The following HCRTR1 variants were observed in gnomAD, a reference collection of about 807,000 sequenced individuals.
HCRTR1 encodes the protein hypocretin receptor 1.
HCRTR1 carries 28 observed loss-of-function variants against 40.6 expected under a neutral mutation model. The observed-to-expected ratio is 0.69, with a 90% confidence interval of 0.51 to 0.95. The LOEUF (loss-of-function observed/expected upper bound fraction) is 0.95. HCRTR1 is among the 40% of genes least tolerant of loss of function. The pLI, the probability that HCRTR1 is intolerant of heterozygous loss-of-function variation, is 0.00. For synonymous variants in HCRTR1, 209 were observed against 230.0 expected, an observed-to-expected ratio of 0.91 and a Z score of 0.83; for missense variants, 482 against 564.7, an observed-to-expected ratio of 0.85 and a Z score of 1.48.
rs1318913475 is a variant in HCRTR1 at position 31,623,609 on chromosome 1, G to C, written c.825G>C (p.Glu275Asp). 1 of 1,613,710 alleles carries C rather than the reference G, an allele frequency of 6.2e-7. No homozygotes were observed. The highest frequency in any genetic ancestry group is 2.2e-5 in the East Asian group (1 of 44,876). ...LGDLEQGLSG[E>D]PQPRARAFLA... ...ACCTGGAGCAGGGCCTGAGTGGAGAGCCCCAGCCCCGGGCCCGCGCCTTCC... is the reference window on the plus strand; with the variant it reads ...ACCTGGAGCAGGGCCTGAGTGGAGACCCCCAGCCCCGGGCCCGCGCCTTCC... The change falls in exon 7 of 9, where the codon GAG (glutamate) becomes GAC (aspartate). Residue 275 changes from glutamate to aspartate, a missense_variant. Glu to Asp is a conservative substitution (Grantham distance 45). Coordinates refer to ENST00000403528, the MANE Select transcript of HCRTR1 (RefSeq NM_001525.3).
rs1213578053 is a variant in HCRTR1 at position 31,626,880 on chromosome 1, C to T, written c.1178C>T (p.Ser393Phe). 6.2e-7 allele frequency: 1 copy of T among 1,614,042 alleles called. No individual in the cohort carries two copies. Among genetic ancestry groups the T allele is most frequent in the Non-Finnish European group, 8.5e-7 (1 of 1,180,034 alleles). The change falls in exon 9 of 9, where the codon TCC becomes TTC. Residue 393 changes from serine (S) to phenylalanine (F), a missense_variant. Physicochemically the swap from Ser to Phe is radical, Grantham distance 155. Coordinates refer to ENST00000403528, the MANE Select transcript of HCRTR1 (RefSeq NM_001525.3). The surrounding 1 kb of genome is among the most constrained non-coding windows in gnomAD (Gnocchi z 4.6). ...TCTCTGAAGGCCCCTAGTCCCCGCT[C>T]CTCTGCCAGCCACAAGTCCTTGTCC... ...CGSLKAPSPR[S>F]SASHKSLSLQ...
chr1:31,630,678 C>G (rs749213335), downstream of HCRTR1: 8 of 1,613,794 alleles, frequency 5.0e-6, no homozygotes, highest in Admixed American at 1.2e-4. Context: ...TTGCCTTGTA[C>G]AGCTGTGTCC....
rs1484658996 is a variant in HCRTR1, at chr1:31,625,845, G to A, written c.1087+727G>A. On this transcript the variant is annotated intron_variant, in intron 8 of 8. Transcript: ENST00000403528. The surrounding 1 kb of genome is among the most constrained non-coding windows in gnomAD (Gnocchi z 4.2). Reference sequence around the variant, plus strand: ...AGAACAGGTCCAGATGACTGTTGAAGCCTGGACAGAAATAATCTTTGAGGA... The same window carrying A: ...AGAACAGGTCCAGATGACTGTTGAAACCTGGACAGAAATAATCTTTGAGGA... 6.6e-6 allele frequency among the ~76,000 whole-genome samples: 1 copy of A among 152,210 alleles called. No individual in the cohort carries two copies. The highest frequency in any genetic ancestry group is 1.9e-4 in the East Asian group (1 of 5,202).
At chr1:31,619,019 T>C (rs1639789679) in intron 2 of HCRTR1, 32 bp from the exon 3 acceptor site, 1 of 601,312 alleles carries the variant, frequency 1.7e-6, no homozygotes, top group Admixed American at 3.0e-5. Context: ...CTTCTCTCTT[T>C]TCCCACTCCC....
chr1:31,621,927 A>C lies in HCRTR1; in HGVS notation c.738+335A>C, dbSNP rs555165177. Reference sequence around the variant, plus strand: ...AGAAGATCAACATAACTTCCCCCAAACCACTCAGCTAGTGAGTAGATCAGG... The same window carrying C: ...AGAAGATCAACATAACTTCCCCCAACCCACTCAGCTAGTGAGTAGATCAGG... On this transcript the variant is annotated intron_variant, in intron 6 of 8. Coordinates refer to ENST00000403528, the MANE Select transcript of HCRTR1 (RefSeq NM_001525.3). 5.3e-5 allele frequency among the ~76,000 whole-genome samples: 8 copies of C among 152,258 alleles called. 1 individual carries two copies. The highest frequency in any genetic ancestry group is 3.4e-3 in the Middle Eastern group (1 of 294).
Position 31,620,834 on chromosome 1 carries a change from G to T in HCRTR1, c.379-9G>T. On this transcript the variant is annotated splice_polypyrimidine_tract_variant and intron_variant, in intron 4 of 8. Coordinates refer to ENST00000403528, the MANE Select transcript of HCRTR1 (RefSeq NM_001525.3). The stretch of plus-strand genomic sequence containing the variant: ...CCAAAATGACCGACGTTGTGTCCCC[G>T]TGGGGCAGGCTGTGTCCGTGTCAGT... 6.2e-7 allele frequency: 1 copy of T among 1,611,640 alleles called. No homozygotes were observed. The highest frequency in any genetic ancestry group is 2.2e-5 in the East Asian group (1 of 44,842).
At position 31,624,991 on chromosome 1, in the gene HCRTR1, G is replaced by T; in HGVS notation, c.966-6G>T. 6.2e-7 allele frequency: 1 copy of T among 1,602,606 alleles called. No individual in the cohort carries two copies. ...CATTTCTGACGCTCCTCCACCCTGG[G>T]CCTAGGGTGTTCGGGATGTTCCGCC... On this transcript the variant is annotated splice_polypyrimidine_tract_variant and splice_region_variant and intron_variant, in intron 7 of 8. Coordinates refer to ENST00000403528, the MANE Select transcript of HCRTR1 (RefSeq NM_001525.3).
At chr1:31,621,148 T>A (rs1380687658) in intron 5 of HCRTR1, 62 bp downstream of exon 5, 1 of 1,550,216 alleles carries the variant, frequency 6.5e-7, no homozygotes, top group African/African-American at 1.4e-5. Flanking sequence ...CACGTACCCC[T>A]AGGACAGGCA....
chr1:31,630,992 T>A, downstream of HCRTR1: 1 of 705,690 alleles, frequency 1.4e-6, no homozygotes, highest in Non-Finnish European at 2.4e-6. Context: ...AGGGTCTGTC[T>A]AAGATGTCAG....
chr1:31,633,352 C>CTACTG, downstream of HCRTR1: 1 of 1,573,080 alleles, frequency 6.4e-7, no homozygotes, highest in South Asian at 1.2e-5. Flanking sequence ...ACAGAAATGC[C>CTACTG]AGGAAGGGCC....
chr1:31,634,209 C>A (rs1300952210), downstream of HCRTR1, among the ~76,000 whole-genome samples: 3 of 152,172 alleles, frequency 2.0e-5, no homozygotes, highest in African/African-American at 7.2e-5. Context: ...CTTCCTAAAA[C>A]ATCGGTGTCA....
chr1:31,621,738 G>A (rs1035798483), intron 6 of HCRTR1, 146 bp downstream of exon 6: 20 of 645,328 alleles, frequency 3.1e-5, no homozygotes, highest in South Asian at 1.3e-4. Flanking sequence ...CCAGAGACAC[G>A]TCAAACTCAA....
At chr1:31,630,695 C>G (rs146006007), downstream of HCRTR1, 1 of 1,614,060 alleles carries the variant, frequency 6.2e-7, no homozygotes, top group Non-Finnish European at 8.5e-7. Context: ...GTCCTTCTCC[C>G]GGAAGGCCTC....
chr1:31,631,387 A>C (rs1385299025), downstream of HCRTR1, among the ~76,000 whole-genome samples: 1 of 152,214 alleles, frequency 6.6e-6, no homozygotes, highest in Non-Finnish European at 1.5e-5. Flanking sequence ...GCACAGAAAA[A>C]GCACTTGGTA....
Position 31,621,535 on chromosome 1 carries a change from A to G in HCRTR1, c.681A>G (p.Pro227=), listed in dbSNP as rs749819721. 6.2e-7 allele frequency: 1 copy of G among 1,614,090 alleles called. No homozygotes were observed. Among genetic ancestry groups the G allele is most frequent in the Non-Finnish European group, 8.5e-7 (1 of 1,180,022 alleles). Residue 227 remains proline, a synonymous_variant, in exon 6 of 9, where the codon CCA becomes CCG. Transcript: ENST00000403528. ...SCFFIVTYLA[P]LGLMAMAYFQ... ...TCTTTATTGTCACCTACCTGGCCCC[A>G]CTGGGCCTCATGGCCATGGCCTATT... is the stretch of plus-strand genomic sequence containing the variant.
intron 6 of HCRTR1, among the ~76,000 whole-genome samples, chr1:31,623,228 C>T (rs1028416324): frequency 1.1e-4 from 16 of 145,850 alleles, no homozygotes; most frequent in Admixed American, 2.8e-4. Flanking sequence ...ACTCGGGAGG[C>T]GAGATTGAAG....
Position 31,619,078 on chromosome 1 carries a change from C to A in HCRTR1, c.-115C>A. Reference sequence around the variant, plus strand: ...AGTTTGAGGCTGAGACCCGAAAAGACCTGGGTGCAAGCCTCCAGGCACCCT... The same window carrying A: ...AGTTTGAGGCTGAGACCCGAAAAGAACTGGGTGCAAGCCTCCAGGCACCCT... On this transcript the variant is annotated 5_prime_UTR_variant, in exon 3 of 9. Coordinates refer to ENST00000403528, the MANE Select transcript of HCRTR1 (RefSeq NM_001525.3). 1.3e-6 allele frequency: 1 copy of A among 783,960 alleles called. No homozygotes were observed. The highest frequency in any genetic ancestry group is 2.0e-6 in the Non-Finnish European group (1 of 498,694). 48.6% of individuals were successfully genotyped at this position (783,960 alleles called of 1,614,324 possible).
downstream of HCRTR1, chr1:31,632,746 C>T: frequency 7.5e-7 from 1 of 1,327,964 alleles, no homozygotes; most frequent in Non-Finnish European, 1.0e-6. Flanking sequence ...GAGTAGGCGA[C>T]TTCACAGAAC....
At position 31,626,994 on chromosome 1, in the gene HCRTR1, T is replaced by C. The variant is rs1639993378; in HGVS notation, c.*14T>C. 1.2e-6 allele frequency: 2 copies of C among 1,602,946 alleles called. No individual in the cohort carries two copies. The highest frequency in any genetic ancestry group is 1.7e-6 in the Non-Finnish European group (2 of 1,174,798). On this transcript the variant is annotated 3_prime_UTR_variant, in exon 9 of 9. Coordinates refer to ENST00000403528, the MANE Select transcript of HCRTR1 (RefSeq NM_001525.3). This position sits in a 1 kb window ranked among gnomAD's most constrained non-coding sequence, Gnocchi z 4.6. Reference sequence around the variant, plus strand: ...GTGCTGCCCTGAGCGAGGGCTGCCCTGGAGGCTCCGGCTCGGGGGATCTGC... The same window carrying C: ...GTGCTGCCCTGAGCGAGGGCTGCCCCGGAGGCTCCGGCTCGGGGGATCTGC...
Sources: allele counts gnomAD v4.1 joint callset (sites outside exome capture counted in the v4.1 genomes callset), GRCh38; gene constraint gnomAD v4.1.1; non-coding constraint Gnocchi (gnomAD v3.1); transcripts MANE v1.5; gene names NCBI Gene and HGNC (gene_info 2026-07-23, HGNC 2026-07-21).